The following ENPP1 variants were observed in gnomAD, a reference collection of about 807,000 sequenced individuals.
The protein encoded by ENPP1 is ectonucleotide pyrophosphatase/phosphodiesterase 1, also known as ectonucleotide pyrophosphatase/phosphodiesterase family member 1.
A neutral mutation model predicts 122.8 loss-of-function variants in ENPP1; 73 were observed. That is an observed-to-expected ratio of 0.59 (90% CI 0.49 to 0.72). ENPP1 has a LOEUF of 0.72. Among genes scored for constraint, ENPP1 ranks in the 30% least tolerant of loss-of-function variants. The probability of loss-of-function intolerance (pLI) is 0.00; values close to 1 mark genes in which losing one functional copy is unlikely to be tolerated. For synonymous variants in ENPP1, 367 were observed against 391.6 expected (o/e 0.94, Z 0.74); for missense variants, 978 against 1,128.1 (o/e 0.87, Z 1.91).
chr6:131,892,913 C>G lies in ENPP1; in HGVS notation c.*2402C>G, dbSNP rs868422937. ...GGACTCTCTTAGGGCTTTTTTTTCC[C>G]CTGCATTTATTGACATTTCCAGGTT... On this transcript the variant is annotated 3_prime_UTR_variant, in exon 25 of 25. Transcript: ENST00000647893. 2 of 151,928 alleles carry G rather than the reference C, an allele frequency of 1.3e-5. No individual in the cohort carries two copies. The highest frequency in any genetic ancestry group is 2.9e-5 in the Non-Finnish European group (2 of 67,980). The allele number at this position is 151,928 out of a possible 1,614,324, so 9.4% of individuals were successfully genotyped here.
At position 131,847,893 on chromosome 6, in the gene ENPP1, G is replaced by GTT. The variant is rs67733446; in HGVS notation, c.313+46_313+47insTT. ...TGTGTGTGTGTGTGTGTGTGTGTGT[G>GTT]TATGTGTGTGCACAGCCTTATTAAG... On this transcript the variant is annotated intron_variant, in intron 2 of 24. Transcript: ENST00000647893. 1.6e-5 allele frequency: 19 copies of GTT among 1,194,976 alleles called. No homozygotes were observed. The Admixed American group carries it at 2.7e-4, about 17-fold the overall frequency. The allele number at this position is 1,194,976 out of a possible 1,614,324, so 74.0% of individuals were successfully genotyped here.
intron 18 of ENPP1, chr6:131,877,866 A>AAAAAATATAT (rs1562183349): frequency 1.7e-4 from 9 of 53,026 alleles, no homozygotes; most frequent in African/African-American, 5.6e-4. Flanking sequence ...AAAAAAAAAA[A>AAAAAATATAT]ATATATATAT....
chr6:131,874,407 A>G, intron 16 of ENPP1, 70 bp downstream of exon 16: 1 of 844,796 alleles, frequency 1.2e-6, no homozygotes, highest in Non-Finnish European at 2.0e-6. Flanking sequence ...TTTAGACTTG[A>G]AAACATACTG....
chr6:131,811,400 C>CTA (rs1203331419), intron 1 of ENPP1, among the ~76,000 whole-genome samples: 1 of 140,290 alleles, frequency 7.1e-6, no homozygotes, highest in Non-Finnish European at 1.5e-5. Flanking sequence ...ATATCTATAT[C>CTA]TATATCTATA....
intron 1 of ENPP1, among the ~76,000 whole-genome samples, chr6:131,830,918 C>T (rs780748151): frequency 7.3e-5 from 11 of 151,724 alleles, no homozygotes; most frequent in Non-Finnish European, 1.5e-4. Flanking sequence ...CAAGACCAGC[C>T]GTGGCAACAT....
In ENPP1 at chr6:131,884,974, T is replaced by C. The variant is rs1441287139; in HGVS notation, c.2355T>C (p.Ala785=). The part of the protein sequence containing the change: ...YFHDTLLRKY[A]EERNGVNVVS... Reference sequence around the variant, plus strand: ...ATGACACCCTACTGCGAAAGTATGCTGAAGAAAGAAATGGTGTCAATGTCG... The same window carrying C: ...ATGACACCCTACTGCGAAAGTATGCCGAAGAAAGAAATGGTGTCAATGTCG... Residue 785 remains alanine, a synonymous_variant, in exon 23 of 25, where the codon GCT becomes GCC. Coordinates refer to ENST00000647893, the MANE Select transcript of ENPP1 (RefSeq NM_006208.3). 6.2e-7 allele frequency: 1 copy of C among 1,614,070 alleles called. No individual in the cohort carries two copies. Among genetic ancestry groups the C allele is most frequent in the South Asian group, 1.1e-5 (1 of 91,074 alleles).
chr6:131,854,210 G>T (rs1781916659), intron 5 of ENPP1, among the ~76,000 whole-genome samples: 1 of 151,996 alleles, frequency 6.6e-6, no homozygotes, highest in South Asian at 2.1e-4. Context: ...TTCGAGACCA[G>T]CCTGGGCAAC....
intron 1 of ENPP1, among the ~76,000 whole-genome samples, chr6:131,829,900 C>A (rs1175112762): frequency 1.3e-5 from 2 of 152,152 alleles, no homozygotes; most frequent in Non-Finnish European, 2.9e-5. Flanking sequence ...TTCCTCCCAC[C>A]CTCCAATGTT....
At position 131,861,648 on chromosome 6, in the gene ENPP1, A is replaced by G. The variant is rs535157782; in HGVS notation, c.969A>G (p.Pro323=). The G allele has an allele frequency of 3.7e-6, 6 of 1,613,956 alleles. No individual in the cohort carries two copies. In the South Asian group the frequency reaches 5.5e-5, roughly 15 times the overall value. ...TCAAGTCTGGCACATTTTTCTGGCC[A>G]GGATCAGATGTGGAAATTAACGGAA... ...QGLKSGTFFW[P]GSDVEINGIF... Residue 323 remains proline, a synonymous_variant, in exon 9 of 25, where the codon CCA becomes CCG. Coordinates refer to ENST00000647893, the MANE Select transcript of ENPP1 (RefSeq NM_006208.3).
Position 131,826,053 on chromosome 6 carries a change from A to G in ENPP1, c.240+17778A>G, listed in dbSNP as rs1419084128. The G allele has an allele frequency of 3.9e-6, 3 of 765,958 alleles. No individual in the cohort carries two copies. The African/African-American group carries it at 5.1e-5, about 13-fold the overall frequency. 47.4% of individuals were successfully genotyped at this position (765,958 alleles called of 1,614,324 possible). On this transcript the variant is annotated intron_variant, in intron 1 of 24. Coordinates refer to ENST00000647893, the MANE Select transcript of ENPP1 (RefSeq NM_006208.3). ...GAAGAGTATTGAGCAAATTCTCTTC[A>G]ACAATCAGACAGCTCTGCTTTAGGG...
chr6:131,810,989 G>A (rs1585784439), intron 1 of ENPP1, among the ~76,000 whole-genome samples: 1 of 152,228 alleles, frequency 6.6e-6, no homozygotes, highest in Admixed American at 6.5e-5. Context: ...AACAGCAAGA[G>A]GGAAAAACAA....
At chr6:131,835,332 T>A (rs1700162582) in intron 1 of ENPP1, among the ~76,000 whole-genome samples, 1 of 152,114 alleles carries the variant, frequency 6.6e-6, no homozygotes, top group Non-Finnish European at 1.5e-5. Flanking sequence ...CTGATAGGAG[T>A]TTTCTTTGAG....
intron 9 of ENPP1, among the ~76,000 whole-genome samples, chr6:131,863,809 G>A (rs1009497911): frequency 2.0e-5 from 3 of 151,734 alleles, no homozygotes; most frequent in South Asian, 2.1e-4. Context: ...CCAGCTACTC[G>A]GGAGGCTGAG....
At chr6:131,821,380 A>G (rs531565457) in intron 1 of ENPP1, among the ~76,000 whole-genome samples, 4 of 152,338 alleles carry the variant, frequency 2.6e-5, no homozygotes, top group Admixed American at 6.5e-5. Context: ...AAAAAACTCA[A>G]TGGGCCTCCA....
intron 1 of ENPP1, among the ~76,000 whole-genome samples, chr6:131,845,705 C>A (rs116062006): frequency 1.3e-4 from 20 of 152,118 alleles, no homozygotes; most frequent in Non-Finnish European, 2.4e-4. Context: ...GTGATCCCCC[C>A]ACCTCAGCCT....
intron 1 of ENPP1, among the ~76,000 whole-genome samples, chr6:131,824,080 T>G (rs749923850): frequency 1.3e-5 from 2 of 151,832 alleles, no homozygotes. Flanking sequence ...GGCTAAATGG[T>G]CAAAGGGAAA....
intron 1 of ENPP1, among the ~76,000 whole-genome samples, chr6:131,841,862 TC>T: frequency 1.3e-5 from 2 of 152,232 alleles, no homozygotes; most frequent in South Asian, 4.2e-4. Flanking sequence ...AGACCTCATT[TC>T]CCACCGGACT....
Position 131,864,505 on chromosome 6 carries a change from G to A in ENPP1, c.1026-1G>A. 1 of 1,598,504 alleles carries A rather than the reference G, an allele frequency of 6.3e-7. No individual in the cohort carries two copies. Among genetic ancestry groups the A allele is most frequent in the Non-Finnish European group, 8.6e-7 (1 of 1,166,120 alleles). On this transcript the variant is annotated splice_acceptor_variant, in intron 9 of 24. Transcript: ENST00000647893. LOFTEE classifies it high-confidence loss of function. ...TTATTTTTGTTTGTTCTTCATTTTA[G>A]TTCAGTACCATTTGAAGAAAGGATT...
chr6:131,811,408 A>G (rs1047529720), intron 1 of ENPP1, among the ~76,000 whole-genome samples: 24 of 150,012 alleles, frequency 1.6e-4, no homozygotes, highest in African/African-American at 6.0e-4. Context: ...ATCTATATCT[A>G]TATCTATATC....
Sources: allele counts gnomAD v4.1 joint callset (sites outside exome capture counted in the v4.1 genomes callset), GRCh38; gene constraint gnomAD v4.1.1; transcripts MANE v1.5; gene names NCBI Gene and HGNC (gene_info 2026-07-23, HGNC 2026-07-21).